Variants in JDP2 observed in about 807,000 individuals in gnomAD.
JDP2 encodes progesterone receptor co-activator.
Under a neutral mutation model 17.1 loss-of-function variants are expected in JDP2, and 9 were observed. That is an observed-to-expected ratio of 0.53 (90% confidence interval 0.32 to 0.92). The LOEUF is 0.92. Among genes scored for constraint, JDP2 ranks in the 40% least tolerant of loss-of-function variants. The pLI is 0.04. For synonymous variants in JDP2, 107 were observed against 95.6 expected (o/e 1.12, Z -0.69); for missense variants, 179 against 220.0 (o/e 0.81, Z 1.18).
rs1328063211 is a variant in JDP2, at chr14:75,428,148, C to A, written c.-128C>A. 1 of 146,150 alleles carries A rather than the reference C, an allele frequency of 6.8e-6. No individual in the cohort carries two copies. Among genetic ancestry groups the A allele is most frequent in the East Asian group, 2.0e-4 (1 of 5,034 alleles). 9.1% of individuals were successfully genotyped at this position (146,150 alleles called of 1,614,324 possible). ...TCCCGGGCCGGGACAGGCCTGGGCACCGGGCGGAGCTCCGCGGCCGGGCGG... is the reference window on the plus strand; with the variant it reads ...TCCCGGGCCGGGACAGGCCTGGGCAACGGGCGGAGCTCCGCGGCCGGGCGG... On this transcript the variant is annotated 5_prime_UTR_variant, in exon 1 of 4. Coordinates refer to ENST00000651602, the MANE Select transcript of JDP2 (RefSeq NM_001135048.2). This position sits in a 1 kb window ranked among gnomAD's most constrained non-coding sequence, Gnocchi z 5.6.
At chr14:75,449,300 C>A (rs967059396) in intron 2 of JDP2, among the ~76,000 whole-genome samples, 1 of 152,198 alleles carries the variant, frequency 6.6e-6, no homozygotes, top group African/African-American at 2.4e-5. Flanking sequence ...CCTACTTTGG[C>A]CAGCTTGGGA....
intron 2 of JDP2, among the ~76,000 whole-genome samples, chr14:75,456,941 A>G (rs1734239483): frequency 6.6e-6 from 1 of 152,054 alleles, no homozygotes; most frequent in Admixed American, 6.6e-5. Context: ...CTCTCCATCC[A>G]ATGTGAAGTG....
At chr14:75,444,784 G>A (rs1206910513) in intron 2 of JDP2, among the ~76,000 whole-genome samples, 1 of 152,214 alleles carries the variant, frequency 6.6e-6, no homozygotes, top group Non-Finnish European at 1.5e-5. Context: ...TACCTATTCT[G>A]ACAGCACTAA....
intron 3 of JDP2, among the ~76,000 whole-genome samples, chr14:75,466,467 T>A (rs538085953): frequency 7.9e-5 from 12 of 152,282 alleles, no homozygotes; most frequent in Middle Eastern, 3.4e-3. Context: ...TTAGTTACAT[T>A]CTGACAGCCA....
At chr14:75,432,189 C>A in intron 1 of JDP2, 1 of 794,664 alleles carries the variant, frequency 1.3e-6, no homozygotes, top group South Asian at 1.6e-5. Flanking sequence ...CCTTCCCCAT[C>A]ATCTTGCTTC....
rs543838208 is a variant in JDP2, at chr14:75,468,045, T to TGG, written c.307-1242_307-1241dup. ...AGAGGGTTGGGCCCACTGAGGGTTC[T>TGG]GGGGACCCCCTGGGGAGGCCGCTCC... On this transcript the variant is annotated intron_variant, in intron 3 of 3. Coordinates refer to ENST00000651602, the MANE Select transcript of JDP2 (RefSeq NM_001135048.2). 2.8e-3 allele frequency among the ~76,000 whole-genome samples: 424 copies of TGG among 152,232 alleles called. 2 individuals are homozygous for TGG. The highest frequency in any genetic ancestry group is 9.8e-3 in the African/African-American group (408 of 41,558).
In JDP2 at chr14:75,428,677, G is replaced by T. The variant is rs1437654858; in HGVS notation, c.-24+425G>T. 1.3e-5 allele frequency: 2 copies of T among 152,384 alleles called. No homozygotes were observed. Among genetic ancestry groups the T allele is most frequent in the African/African-American group, 4.8e-5 (2 of 41,476 alleles). 9.4% of individuals were successfully genotyped at this position (152,384 alleles called of 1,614,324 possible). ...AGGTGGAGGGTGAAGGGCCAGGGAG[G>T]TGCGGGGTTGGGGTCGGGGTTAGAT... On this transcript the variant is annotated intron_variant, in intron 1 of 3. Transcript: ENST00000651602. The surrounding 1 kb of genome is among the most constrained non-coding windows in gnomAD (Gnocchi z 5.6).
At chr14:75,457,184 C>T (rs141312712) in intron 2 of JDP2, among the ~76,000 whole-genome samples, 48 of 152,358 alleles carry the variant, frequency 3.2e-4, no homozygotes, top group African/African-American at 1.1e-3. Context: ...TCATTATCAC[C>T]CAGTTTGGGG....
At position 75,470,953 on chromosome 14, in the gene JDP2, G is replaced by A. The variant is rs536759248; in HGVS notation, c.*1478G>A. ...TCTCACAAGAGCACAAACTAGGCACGATTCTTCTCATTTTACAGATGGTTT... is the reference window on the plus strand; with the variant it reads ...TCTCACAAGAGCACAAACTAGGCACAATTCTTCTCATTTTACAGATGGTTT... On this transcript the variant is annotated 3_prime_UTR_variant, in exon 4 of 4. Coordinates refer to ENST00000651602, the MANE Select transcript of JDP2 (RefSeq NM_001135048.2). The A allele has an allele frequency of 4.3e-4, 66 of 152,274 alleles. No individual in the cohort carries two copies. Among genetic ancestry groups the A allele is most frequent in the African/African-American group, 1.4e-3 (60 of 41,522 alleles). 9.4% of individuals were successfully genotyped at this position (152,274 alleles called of 1,614,324 possible). A position where few individuals can be genotyped will look rare whatever the true frequency, so the allele number is the denominator to read the frequency against.
rs767857467 is a variant in JDP2, at chr14:75,469,777, C to G, written c.*302C>G. 1 of 306,086 alleles carries G rather than the reference C, an allele frequency of 3.3e-6. No homozygotes were observed. Among genetic ancestry groups the G allele is most frequent in the Admixed American group, 4.7e-5 (1 of 21,142 alleles). The allele number at this position is 306,086 out of a possible 1,614,324, so 19.0% of individuals were successfully genotyped here. A position where few individuals can be genotyped will look rare whatever the true frequency, so the allele number is the denominator to read the frequency against. On this transcript the variant is annotated 3_prime_UTR_variant, in exon 4 of 4. Transcript: ENST00000651602. ...GACAGAGGCACCGAGGCCAGGGAGA[C>G]GCCCAACGAGGCAGCCCTGGGCTCT...
chr14:75,465,608 G>A (rs957807050), intron 3 of JDP2, among the ~76,000 whole-genome samples: 2 of 152,178 alleles, frequency 1.3e-5, no homozygotes, highest in African/African-American at 4.8e-5. Flanking sequence ...GGGATTACAG[G>A]TGTGAGCCAC....
intron 2 of JDP2, among the ~76,000 whole-genome samples, chr14:75,455,449 A>G (rs1886059387): frequency 6.6e-6 from 1 of 152,188 alleles, no homozygotes; most frequent in Admixed American, 6.5e-5. Context: ...TTTGCCTATC[A>G]GATCCATTCC....
At chr14:75,432,502 C>T (rs901447937) in intron 1 of JDP2, among the ~76,000 whole-genome samples, 8 of 152,246 alleles carry the variant, frequency 5.3e-5, no homozygotes, top group Non-Finnish European at 7.3e-5. Flanking sequence ...CTGCCGTCGA[C>T]TTCCAACCCC....
chr14:75,441,801 C>T (rs1191060449), intron 2 of JDP2, among the ~76,000 whole-genome samples: 2 of 152,180 alleles, frequency 1.3e-5, no homozygotes, highest in African/African-American at 4.8e-5. Flanking sequence ...TCCTCTGTAG[C>T]CCCTCACAGC....
chr14:75,431,463 T>C (rs935449977), intron 1 of JDP2, among the ~76,000 whole-genome samples: 1 of 152,164 alleles, frequency 6.6e-6, no homozygotes, highest in African/African-American at 2.4e-5. Context: ...AGTGCAGGGA[T>C]GGAGTAGAGG....
At chr14:75,452,463 C>T (rs1177717335) in intron 2 of JDP2, among the ~76,000 whole-genome samples, 1 of 152,156 alleles carries the variant, frequency 6.6e-6, no homozygotes, top group Non-Finnish European at 1.5e-5. Context: ...CAGAGCAGGG[C>T]ACTGTGGTGA....
chr14:75,447,914 C>T (rs1289860349), intron 2 of JDP2, among the ~76,000 whole-genome samples: 1 of 152,140 alleles, frequency 6.6e-6, no homozygotes, highest in Non-Finnish European at 1.5e-5. Context: ...CTGCCTTGGC[C>T]TCCCAAAGTG....
rs1386007247 is a variant in JDP2, at chr14:75,430,202, G to A, written c.-24+1950G>A. Among the ~76,000 whole-genome samples, 1 of 152,158 alleles carries A rather than the reference G, an allele frequency of 6.6e-6. No individual in the cohort carries two copies. The highest frequency in any genetic ancestry group is 1.5e-5 in the Non-Finnish European group (1 of 68,044). ...TCCCTGGCAGGAATAGGCTCTCTGGGCCTTGTTTGTCGTGGGGCTACTGGT... is the reference window on the plus strand; with the variant it reads ...TCCCTGGCAGGAATAGGCTCTCTGGACCTTGTTTGTCGTGGGGCTACTGGT... On this transcript the variant is annotated intron_variant, in intron 1 of 3. Transcript: ENST00000651602. This position sits in a 1 kb window ranked among gnomAD's most constrained non-coding sequence, Gnocchi z 4.5.
At chr14:75,458,636 C>G (rs1213355510) in intron 2 of JDP2, among the ~76,000 whole-genome samples, 2 of 152,128 alleles carry the variant, frequency 1.3e-5, no homozygotes, top group African/African-American at 4.8e-5. Context: ...AATACACATG[C>G]CTGTGTCTTT....
Sources: allele counts gnomAD v4.1 joint callset (sites outside exome capture counted in the v4.1 genomes callset), GRCh38; gene constraint gnomAD v4.1.1; non-coding constraint Gnocchi (gnomAD v3.1); transcripts MANE v1.5; gene names NCBI Gene and HGNC (gene_info 2026-07-23, HGNC 2026-07-21).